The following LMO7 variants were observed in gnomAD, a reference collection of about 807,000 sequenced individuals.
LMO7 encodes the protein LIM domain only protein 7.
LMO7 carries 120 observed loss-of-function variants against 206.5 expected under a neutral mutation model. The observed-to-expected ratio is 0.58, with a 90% CI of 0.50 to 0.68. The LOEUF is 0.68. Among genes scored for constraint, LMO7 ranks in the 30% least tolerant of loss-of-function variants. The pLI, the probability that LMO7 is intolerant of heterozygous loss-of-function variation, is 0.00. For missense variants in LMO7, 1,959 were observed against 1,957.9 expected, an observed-to-expected ratio of 1.00 and a Z score of -0.01; for synonymous variants, 706 against 681.5, an observed-to-expected ratio of 1.04 and a Z score of -0.56.
chr13:75,736,575 A>C (rs1164141929), intron 3 of LMO7, among the ~76,000 whole-genome samples: 1 of 152,262 alleles, frequency 6.6e-6, no homozygotes, highest in Non-Finnish European at 1.5e-5. Context: ...TCAGAGGAAC[A>C]AAGAAGTCAC....
intron 4 of LMO7, among the ~76,000 whole-genome samples, chr13:75,764,475 A>G (rs1327187320): frequency 2.0e-5 from 3 of 152,086 alleles, no homozygotes; most frequent in Admixed American, 6.6e-5. Flanking sequence ...GGCAAGCGTC[A>G]TGGTCTTTGT....
intron 15 of LMO7, among the ~76,000 whole-genome samples, chr13:75,832,435 TACAGGTG>T (rs2058749414): frequency 6.6e-6 from 1 of 152,172 alleles, no homozygotes; most frequent in Non-Finnish European, 1.5e-5. Flanking sequence ...AGTAATTCCT[TACAGGTG>T]ACATAGTTCT....
chr13:75,854,605 C>T (rs2060769652), intron 28 of LMO7, among the ~76,000 whole-genome samples: 1 of 152,126 alleles, frequency 6.6e-6, no homozygotes, highest in Non-Finnish European at 1.5e-5. Context: ...GCCTTACCAA[C>T]TGGGAGAGGA....
chr13:75,772,809 GAGTT>G (rs1337042812), intron 4 of LMO7, among the ~76,000 whole-genome samples: 1 of 152,080 alleles, frequency 6.6e-6, no homozygotes, highest in East Asian at 1.9e-4. Context: ...ACTTTACAGA[GAGTT>G]AGAGTGCTTT....
chr13:75,822,046 T>C (rs2057634262), intron 14 of LMO7, among the ~76,000 whole-genome samples: 1 of 152,184 alleles, frequency 6.6e-6, no homozygotes, highest in African/African-American at 2.4e-5. Flanking sequence ...ATTTCTCACT[T>C]TATCAGTTTG....
chr13:75,691,113 A>G (rs367780006), intron 1 of LMO7, among the ~76,000 whole-genome samples: 3 of 152,220 alleles, frequency 2.0e-5, no homozygotes, highest in African/African-American at 7.2e-5. Context: ...GTTAAGTCCA[A>G]TTGGAGTGTA....
At chr13:75,857,683 G>T in intron 30 of LMO7, 1 of 354,382 alleles carries the variant, frequency 2.8e-6, no homozygotes. Flanking sequence ...AAATAATAGA[G>T]AGTTGAGTGT....
At position 75,735,116 on chromosome 13, in the gene LMO7, C is replaced by CGTGT. The variant is rs112512807; in HGVS notation, c.210+8041_210+8044dup. On this transcript the variant is annotated intron_variant, in intron 3 of 30. Transcript: ENST00000377534. ...CCGTCTCAAAAAAAAAAAAAAATTACGTGTGTGTGTGTGTGTGTGTGTGTG... is the reference window on the plus strand; with the variant it reads ...CCGTCTCAAAAAAAAAAAAAAATTACGTGTGTGTGTGTGTGTGTGTGTGTGTGTG... Among the ~76,000 whole-genome samples the CGTGT allele has an allele frequency of 5.8e-3, 849 of 145,648 alleles. 9 individuals carry two copies. The highest frequency in any genetic ancestry group is 0.019 in the African/African-American group (755 of 39,270).
At chr13:75,708,058 A>G (rs1484789737) in intron 1 of LMO7, among the ~76,000 whole-genome samples, 1 of 152,090 alleles carries the variant, frequency 6.6e-6, no homozygotes, top group East Asian at 1.9e-4. Context: ...TCTGAGGATT[A>G]ATTGTTGGAG....
At chr13:75,740,490 T>C (rs2046325733) in intron 3 of LMO7, among the ~76,000 whole-genome samples, 1 of 152,110 alleles carries the variant, frequency 6.6e-6, no homozygotes, top group Admixed American at 6.6e-5. Context: ...AGCAAAATAC[T>C]GATATAAGCA....
At chr13:75,655,676 T>C (rs1245074231) in intron 1 of LMO7, among the ~76,000 whole-genome samples, 1 of 22,568 alleles carries the variant, frequency 4.4e-5, no homozygotes, top group Non-Finnish European at 1.1e-4. Flanking sequence ...TATATATATA[T>C]ATATATATAT....
At chr13:75,662,835 A>G (rs2038732920) in intron 1 of LMO7, among the ~76,000 whole-genome samples, 1 of 152,194 alleles carries the variant, frequency 6.6e-6, no homozygotes, top group African/African-American at 2.4e-5. Flanking sequence ...TGTGAGCAAA[A>G]ATGTTAATGT....
chr13:75,843,986 C>A (rs1443174337), intron 25 of LMO7, among the ~76,000 whole-genome samples: 3 of 152,174 alleles, frequency 2.0e-5, no homozygotes, highest in Non-Finnish European at 4.4e-5. Context: ...TGTTTATAAT[C>A]TTTCTGGGTA....
chr13:75,636,790 G>A (rs1352995988), intron 1 of LMO7, 64 bp downstream of exon 1: 1 of 1,472,770 alleles, frequency 6.8e-7, no homozygotes, highest in Non-Finnish European at 9.3e-7. Context: ...TCGTCGCGAG[G>A]TGACTGCAGC....
chr13:75,841,932 G>A lies in LMO7; in HGVS notation c.3980G>A (p.Arg1327His), dbSNP rs148659145. The A allele has an allele frequency of 1.1e-4, 172 of 1,613,092 alleles. 1 individual carries two copies. The African/African-American group carries it at 1.7e-3, about 16-fold the overall frequency. ...EQKRPAEEQK[R>H]QAEIERETSV... ...AAGCGTCCTGCGGAGGAGCAGAAGC[G>A]CCAGGCAGAGATAGAGCGGGAAACA... The change falls in exon 24 of 31, where the codon CGC (arginine) becomes CAC (histidine). Residue 1327 changes from arginine to histidine, a missense_variant. Coordinates refer to ENST00000377534, the MANE Select transcript of LMO7 (RefSeq NM_001306080.2).
chr13:75,682,853 A>G (rs1207349763), intron 1 of LMO7, among the ~76,000 whole-genome samples: 1 of 152,232 alleles, frequency 6.6e-6, no homozygotes, highest in Non-Finnish European at 1.5e-5. Flanking sequence ...CACAAGGCTT[A>G]TACTAAAAAT....
chr13:75,807,351 T>C (rs957496345), intron 9 of LMO7, 129 bp from the exon 10 acceptor site: 24 of 905,124 alleles, frequency 2.7e-5, no homozygotes, highest in Non-Finnish European at 3.6e-5. Context: ...ACAATGGTCC[T>C]CTAAAATGAT....
intron 1 of LMO7, among the ~76,000 whole-genome samples, chr13:75,641,587 T>G (rs574557758): frequency 6.6e-6 from 1 of 152,302 alleles, no homozygotes; most frequent in East Asian, 1.9e-4. Context: ...TATGGATTTC[T>G]CAAGGTAGGT....
chr13:75,668,391 T>C (rs2039261592), intron 1 of LMO7, among the ~76,000 whole-genome samples: 1 of 152,154 alleles, frequency 6.6e-6, no homozygotes, highest in South Asian at 2.1e-4. Flanking sequence ...TTTGGGAGTT[T>C]TTATATTTTC....
Sources: allele counts gnomAD v4.1 joint callset (sites outside exome capture counted in the v4.1 genomes callset), GRCh38; gene constraint gnomAD v4.1.1; transcripts MANE v1.5; gene names NCBI Gene and HGNC (gene_info 2026-07-23, HGNC 2026-07-21).